The following LRP1B variants were observed in gnomAD, a reference collection of about 807,000 sequenced individuals.
LRP1B encodes LDL receptor related protein 1B.
A neutral mutation model predicts 556.6 loss-of-function variants in LRP1B; 217 were observed. The observed-to-expected ratio is 0.39, with a 90% confidence interval of 0.35 to 0.44. LRP1B has a LOEUF of 0.44. LRP1B is among the 20% of genes least tolerant of loss of function. The pLI, the probability that LRP1B is intolerant of heterozygous loss-of-function variation, is 1.00. For synonymous variants in LRP1B, 2,047 were observed against 1,865.8 expected (o/e 1.10, Z -2.50); for missense variants, 5,053 against 5,620.8 (o/e 0.90, Z 3.23).
chr2:140,318,087 G>A (rs1304825247), intron 82 of LRP1B, among the ~76,000 whole-genome samples: 1 of 151,902 alleles, frequency 6.6e-6, no homozygotes, highest in African/African-American at 2.4e-5. Flanking sequence ...AATGTTCAGG[G>A]TGCTCATCAG....
At chr2:142,130,500 C>A in intron 1 of LRP1B, 148 bp downstream of exon 1, 4 of 650,202 alleles carry the variant, frequency 6.2e-6, no homozygotes, top group Non-Finnish European at 8.0e-6. Context: ...CACCTCTCAC[C>A]CCCGCACAGG....
chr2:141,612,686 T>C (rs1417600385), intron 2 of LRP1B, among the ~76,000 whole-genome samples: 1 of 152,216 alleles, frequency 6.6e-6, no homozygotes, highest in Non-Finnish European at 1.5e-5. Context: ...TTCACATTAA[T>C]GCCATAGGCA....
chr2:142,083,871 G>A (rs1187668204), intron 1 of LRP1B, among the ~76,000 whole-genome samples: 1 of 152,020 alleles, frequency 6.6e-6, no homozygotes, highest in Non-Finnish European at 1.5e-5. Flanking sequence ...ATGAAACTAT[G>A]TTGAGCTATG....
At chr2:141,322,700 T>C (rs1210446424) in intron 3 of LRP1B, among the ~76,000 whole-genome samples, 2 of 152,024 alleles carry the variant, frequency 1.3e-5, no homozygotes, top group Non-Finnish European at 2.9e-5. Flanking sequence ...GCCCACGATC[T>C]GGGTAAATTT....
At chr2:141,174,600 G>T (rs1426383914) in intron 7 of LRP1B, among the ~76,000 whole-genome samples, 2 of 152,036 alleles carry the variant, frequency 1.3e-5, no homozygotes, top group Non-Finnish European at 2.9e-5. Flanking sequence ...TCTCAGACAT[G>T]ACTTCTGTTA....
intron 21 of LRP1B, among the ~76,000 whole-genome samples, chr2:140,914,111 A>G (rs935241428): frequency 1.6e-4 from 25 of 152,132 alleles, no homozygotes; most frequent in African/African-American, 6.0e-4. Context: ...AATTTGAACG[A>G]CTGAAAGATT....
intron 6 of LRP1B, among the ~76,000 whole-genome samples, chr2:141,212,522 G>C (rs1469753390): frequency 6.6e-6 from 1 of 150,842 alleles, no homozygotes; most frequent in Non-Finnish European, 1.5e-5. Flanking sequence ...CTGACCTCGT[G>C]ATCTGCCCAC....
chr2:141,547,665 C>T (rs1685600880), intron 2 of LRP1B, among the ~76,000 whole-genome samples: 1 of 152,102 alleles, frequency 6.6e-6, no homozygotes, highest in African/African-American at 2.4e-5. Context: ...GTTCATGTGT[C>T]CCGTGCAGCA....
intron 41 of LRP1B, among the ~76,000 whole-genome samples, chr2:140,671,807 C>T (rs188709114): frequency 5.3e-5 from 8 of 152,252 alleles, no homozygotes; most frequent in Admixed American, 3.9e-4. Flanking sequence ...AACAAATTCA[C>T]AGGTTTGTGA....
At chr2:141,635,140 A>G (rs1689068011) in intron 2 of LRP1B, among the ~76,000 whole-genome samples, 2 of 151,632 alleles carry the variant, frequency 1.3e-5, no homozygotes, top group Admixed American at 1.3e-4. Context: ...AAAGAAAAGA[A>G]AAGAAAGAAA....
At chr2:141,966,295 T>G (rs1372706864) in intron 1 of LRP1B, among the ~76,000 whole-genome samples, 2 of 151,816 alleles carry the variant, frequency 1.3e-5, no homozygotes, top group South Asian at 4.2e-4. Context: ...AAACAGCATC[T>G]AATATTCCAT....
intron 7 of LRP1B, among the ~76,000 whole-genome samples, chr2:141,186,987 G>A (rs574277686): frequency 6.6e-6 from 1 of 152,074 alleles, no homozygotes; most frequent in Non-Finnish European, 1.5e-5. Flanking sequence ...CTGTCTAAAG[G>A]CTAATCTGAA....
rs769139255 is a variant in LRP1B, at chr2:140,501,700, G to C, written c.8837C>G (p.Pro2946Arg). 1.2e-6 allele frequency: 2 copies of C among 1,608,464 alleles called. No homozygotes were observed. The highest frequency in any genetic ancestry group is 1.7e-6 in the Non-Finnish European group (2 of 1,176,896). The change falls in exon 55 of 91, where the codon CCG (proline) becomes CGG (arginine). Residue 2946 changes from proline to arginine, a missense_variant. Pro to Arg is a moderately radical substitution (Grantham distance 103, BLOSUM62 -2). This residue lies in a region of LRP1B where 3,619 missense variants were observed against 3,931.9 expected (regional missense o/e 0.92). Coordinates refer to ENST00000389484, the MANE Select transcript of LRP1B (RefSeq NM_018557.3). ...SGCSQDCQDL[P>R]VSYKCKCWPG... ...ATGAGTACCTACCTTATAACTGACC[G>C]GAAGGTCTTGACAGTCTTGAGAACA...
At chr2:140,583,178 T>TTC (rs781077726) in intron 43 of LRP1B, among the ~76,000 whole-genome samples, 14,849 of 140,534 alleles carry the variant, frequency 0.11, 1,071 homozygotes, top group African/African-American at 0.16. Context: ...TTTCTTTTTT[T>TTC]TTTTTTTTTT....
intron 2 of LRP1B, among the ~76,000 whole-genome samples, chr2:141,787,302 G>A (rs139783774): frequency 6.6e-6 from 1 of 152,024 alleles, no homozygotes; most frequent in East Asian, 1.9e-4. Context: ...TTATATAGCA[G>A]CTGTATTCAT....
In LRP1B at chr2:141,947,782, C is replaced by T. The variant is rs113141038; in HGVS notation, c.83-137381G>A. On this transcript the variant is annotated intron_variant, in intron 1 of 90. Coordinates refer to ENST00000389484, the MANE Select transcript of LRP1B (RefSeq NM_018557.3). ...AATACTTATCTCTAAAATTCTAAAA[C>T]ATCGAGGCAAGAAAAATTTTTTTTT... is the stretch of plus-strand genomic sequence containing the variant. Among the ~76,000 whole-genome samples the T allele has an allele frequency of 6.2e-3, 925 of 148,180 alleles. 9 individuals are homozygous for T. Among genetic ancestry groups the T allele is most frequent in the African/African-American group, 0.022 (890 of 40,238 alleles).
intron 2 of LRP1B, among the ~76,000 whole-genome samples, chr2:141,620,581 G>A (rs1688472041): frequency 6.6e-6 from 1 of 152,066 alleles, no homozygotes; most frequent in Non-Finnish European, 1.5e-5. Context: ...TTATTTTAGT[G>A]AGTCAAAATA....
intron 2 of LRP1B, among the ~76,000 whole-genome samples, chr2:141,615,203 T>C (rs1274409076): frequency 6.6e-6 from 1 of 152,200 alleles, no homozygotes; most frequent in Non-Finnish European, 1.5e-5. Context: ...CTTAGATATT[T>C]AGTTGAGGAT....
chr2:141,761,955 T>C (rs1038166320), intron 2 of LRP1B, among the ~76,000 whole-genome samples: 1 of 152,180 alleles, frequency 6.6e-6, no homozygotes, highest in Non-Finnish European at 1.5e-5. Context: ...AGACTGGAAA[T>C]CATGGCTATC....
Sources: allele counts gnomAD v4.1 joint callset (sites outside exome capture counted in the v4.1 genomes callset), GRCh38; gene constraint gnomAD v4.1.1; regional missense constraint gnomAD v4.1.1; transcripts MANE v1.5; gene names NCBI Gene and HGNC (gene_info 2026-07-23, HGNC 2026-07-21).